The following SLC8A2 variants were observed in gnomAD, a reference collection of about 807,000 sequenced individuals.
The protein encoded by SLC8A2 is solute carrier family 8 member A2.
Under a neutral mutation model 70.2 loss-of-function variants are expected in SLC8A2, and 14 were observed. That is an observed-to-expected ratio of 0.20 (90% CI 0.13 to 0.31). The LOEUF (loss-of-function observed/expected upper bound fraction) is 0.31. Among genes scored for constraint, SLC8A2 ranks in the 10% least tolerant of loss-of-function variants. The pLI is 1.00. For synonymous variants in SLC8A2, 575 were observed against 594.3 expected (o/e 0.97, Z 0.47); for missense variants, 779 against 1,320.1 (o/e 0.59, Z 6.35).
chr19:47,441,836 G>A (rs902053594), intron 4 of SLC8A2, among the ~76,000 whole-genome samples: 43 of 152,194 alleles, frequency 2.8e-4, no homozygotes, highest in Non-Finnish European at 5.6e-4. Flanking sequence ...GGGCACGGTG[G>A]CTCACGCCTG....
intron 3 of SLC8A2, among the ~76,000 whole-genome samples, chr19:47,456,156 TACACATA>T (rs1457025532): frequency 6.6e-6 from 1 of 152,188 alleles, no homozygotes; most frequent in African/African-American, 2.4e-5. Flanking sequence ...CAGGTAGCAA[TACACATA>T]ATGGAGCTAT....
rs1966946914 is a variant in SLC8A2, at chr19:47,430,726, ATTTC to A, written c.2390-265_2390-262del. 6.6e-6 allele frequency among the ~76,000 whole-genome samples: 1 copy of A among 151,848 alleles called. No homozygotes were observed. Among genetic ancestry groups the A allele is most frequent in the Non-Finnish European group, 1.5e-5 (1 of 67,976 alleles). ...TCTCTTCTATGGGACTCACTGCGTG[ATTTC>A]TTTTTTTTTCCTCCGAGACGGAGTT... On this transcript the variant is annotated intron_variant, in intron 9 of 9. Coordinates refer to ENST00000236877, the MANE Select transcript of SLC8A2 (RefSeq NM_015063.3). The surrounding 1 kb of genome is among the most constrained non-coding windows in gnomAD (Gnocchi z 5.9).
At chr19:47,452,190 TCA>T (rs1327835964) in intron 3 of SLC8A2, among the ~76,000 whole-genome samples, 3 of 152,054 alleles carry the variant, frequency 2.0e-5, no homozygotes, top group Non-Finnish European at 4.4e-5. Context: ...CAACTCGTGG[TCA>T]CAGAGTGTCA....
intron 1 of SLC8A2, among the ~76,000 whole-genome samples, chr19:47,469,120 G>A (rs1405984709): frequency 5.1e-4 from 10 of 19,664 alleles, no homozygotes; most frequent in Non-Finnish European, 1.7e-3. Context: ...GCCTGTGTGC[G>A]TGTGTGTGTG....
At chr19:47,451,705 C>T (rs1465301274) in intron 3 of SLC8A2, among the ~76,000 whole-genome samples, 2 of 152,320 alleles carry the variant, frequency 1.3e-5, no homozygotes, top group Middle Eastern at 3.4e-3. Context: ...GAGTGGACAT[C>T]ATGTTCCTCC....
At chr19:47,454,485 T>C (rs1350564568) in intron 3 of SLC8A2, among the ~76,000 whole-genome samples, 3 of 152,026 alleles carry the variant, frequency 2.0e-5, no homozygotes, top group African/African-American at 4.8e-5. Flanking sequence ...TGAGACAGTG[T>C]CTCACTCTGT....
At position 47,457,025 on chromosome 19, in the gene SLC8A2, G is replaced by A. The variant is rs757155061; in HGVS notation, c.1245C>T (p.Ser415=). 1.9e-6 allele frequency: 3 copies of A among 1,611,686 alleles called. No homozygotes were observed. The highest frequency in any genetic ancestry group is 3.4e-5 in the Admixed American group (2 of 59,678). The change falls in exon 3 of 10, where the codon TCC becomes TCT. Residue 415 remains serine (S), a synonymous_variant. Coordinates refer to ENST00000236877, the MANE Select transcript of SLC8A2 (RefSeq NM_015063.3). ...CLENCGSVLL[S]VTCQGGEGNS... ...TGCCCTCGCCGCCCTGGCACGTGAC[G>A]GACAGCAGCACGGAGCCGCAGTTCT...
Position 47,430,184 on chromosome 19 carries a change from G to T in SLC8A2, c.2671C>A (p.Pro891Thr), listed in dbSNP as rs112589002. ...IGGELGGPRGPKLATTALFLG... is the reference protein window; with the variant it reads ...IGGELGGPRGTKLATTALFLG... ...AAGAGCGCGGTGGTGGCGAGCTTGG[G>T]TCCGCGCGGGCCGCCCAGCTCGCCG... The change falls in exon 10 of 10, where the codon CCC (proline) becomes ACC (threonine). Residue 891 changes from proline (P) to threonine (T), a missense_variant. Coordinates refer to ENST00000236877, the MANE Select transcript of SLC8A2 (RefSeq NM_015063.3). This position sits in a 1 kb window ranked among gnomAD's most constrained non-coding sequence, Gnocchi z 5.9. 1.4e-5 allele frequency: 23 copies of T among 1,600,476 alleles called. No individual in the cohort carries two copies. Among genetic ancestry groups the T allele is most frequent in the Non-Finnish European group, 1.8e-5 (21 of 1,173,632 alleles).
At chr19:47,431,677 AAAAC>A (rs754248498) in intron 9 of SLC8A2, among the ~76,000 whole-genome samples, 3,748 of 36,510 alleles carry the variant, frequency 0.1, 191 homozygotes, top group Non-Finnish European at 0.27. Context: ...AAAAAAAAAA[AAAAC>A]AAAACCCAAA....
At chr19:47,459,295 C>T (rs945337461) in intron 2 of SLC8A2, among the ~76,000 whole-genome samples, 3 of 152,096 alleles carry the variant, frequency 2.0e-5, no homozygotes, top group African/African-American at 7.2e-5. Context: ...TCTGTCTCAG[C>T]GGTTTTCTTA....
rs1967440319 is a variant in SLC8A2 at position 47,465,032 on chromosome 19, G to A, written c.675+697C>T. Among the ~76,000 whole-genome samples the A allele has an allele frequency of 6.6e-6, 1 of 152,310 alleles. No individual in the cohort carries two copies. The highest frequency in any genetic ancestry group is 1.5e-5 in the Non-Finnish European group (1 of 68,038). ...TATATTGATGTTGGGTTGGATGGGAGTATACATTACACTGAAGTGGCATAA... is the reference window on the plus strand; with the variant it reads ...TATATTGATGTTGGGTTGGATGGGAATATACATTACACTGAAGTGGCATAA... On this transcript the variant is annotated intron_variant, in intron 2 of 9. Coordinates refer to ENST00000236877, the MANE Select transcript of SLC8A2 (RefSeq NM_015063.3). The surrounding 1 kb of genome is among the most constrained non-coding windows in gnomAD (Gnocchi z 5.5).
rs752943780 is a variant in SLC8A2, at chr19:47,459,765, ATG to A, written c.676-2173_676-2172del. On this transcript the variant is annotated intron_variant, in intron 2 of 9. Coordinates refer to ENST00000236877, the MANE Select transcript of SLC8A2 (RefSeq NM_015063.3). ...TGTACGTGTGTGTCCATCTGTGTGC[ATG>A]TGTGTGCATGTGTGTCCATCTGTGT... Among the ~76,000 whole-genome samples, 13 of 149,892 alleles carry A rather than the reference ATG, an allele frequency of 8.7e-5. 1 individual carries two copies. The highest frequency in any genetic ancestry group is 2.0e-4 in the Admixed American group (3 of 15,084).
In SLC8A2 at chr19:47,430,100, G is replaced by A. The variant is rs1415001737; in HGVS notation, c.2755C>T (p.Arg919Trp). 2 of 1,587,674 alleles carry A rather than the reference G, an allele frequency of 1.3e-6. No homozygotes were observed. Among genetic ancestry groups the A allele is most frequent in the Non-Finnish European group, 1.7e-6 (2 of 1,166,880 alleles). Residue 919 changes from arginine (R) to tryptophan (W), a missense_variant, in exon 10 of 10, where the codon CGG (arginine) becomes TGG (tryptophan). Around this residue, in one of 6 missense-constraint regions of SLC8A2, gnomAD observed 108 missense variants for 269.6 expected, o/e 0.40. Transcript: ENST00000236877. The surrounding 1 kb of genome is among the most constrained non-coding windows in gnomAD (Gnocchi z 5.9). ...FASLEAYCHI[R>W]GF Reference sequence around the variant, plus strand: ...CTCTGCGCGAGGCCCTAGAAGCCCCGGATGTGGCAGTACGCCTCCAGGCTG... The same window carrying A: ...CTCTGCGCGAGGCCCTAGAAGCCCCAGATGTGGCAGTACGCCTCCAGGCTG...
At position 47,441,346 on chromosome 19, in the gene SLC8A2, C is replaced by G; in HGVS notation, c.1858G>C (p.Gly620Arg). The G allele has an allele frequency of 6.2e-7, 1 of 1,612,848 alleles. No homozygotes were observed. Reference sequence around the variant, plus strand: ...ACTGGTCACCCCTCACCTGAAATCCCTCGCTTAAGCCACTGGGGCTGGCCC... The same window carrying G: ...ACTGGTCACCCCTCACCTGAAATCCGTCGCTTAAGCCACTGGGGCTGGCCC... Reference protein sequence around the residue: ...ELGQPQWLKRGISALLLNQGD... With the variant: ...ELGQPQWLKRRISALLLNQGD... The change falls in exon 5 of 10, where the codon GGG becomes CGG. Residue 620 changes from glycine (G) to arginine (R), a missense_variant. Physicochemically the swap from Gly to Arg is moderately radical, Grantham distance 125 (BLOSUM62 -2). Coordinates refer to ENST00000236877, the MANE Select transcript of SLC8A2 (RefSeq NM_015063.3).
intron 3 of SLC8A2, among the ~76,000 whole-genome samples, chr19:47,449,020 T>A (rs1967204241): frequency 1.3e-5 from 2 of 152,206 alleles, no homozygotes; most frequent in Admixed American, 1.3e-4. Flanking sequence ...ATGATTTAAT[T>A]ACGGTTCATT....
intron 4 of SLC8A2, among the ~76,000 whole-genome samples, chr19:47,443,625 G>A (rs993501851): frequency 6.6e-6 from 1 of 152,198 alleles, no homozygotes; most frequent in Non-Finnish European, 1.5e-5. Flanking sequence ...CAGCCTTGGC[G>A]ACATCGCCAC....
chr19:47,452,577 C>T (rs554854986), intron 3 of SLC8A2, among the ~76,000 whole-genome samples: 1 of 151,556 alleles, frequency 6.6e-6, no homozygotes, highest in South Asian at 2.1e-4. Flanking sequence ...AATTCTCCTG[C>T]CTCAGCCTCC....
At chr19:47,451,716 T>G (rs1198260931) in intron 3 of SLC8A2, among the ~76,000 whole-genome samples, 3 of 152,222 alleles carry the variant, frequency 2.0e-5, no homozygotes, top group Non-Finnish European at 4.4e-5. Flanking sequence ...ATGTTCCTCC[T>G]GATACAATGC....
chr19:47,463,835 C>T (rs571215114), intron 2 of SLC8A2, among the ~76,000 whole-genome samples: 44 of 152,248 alleles, frequency 2.9e-4, no homozygotes, highest in Admixed American at 2.3e-3. Context: ...TCTTTCCACA[C>T]GGAACAATTC....
Sources: allele counts gnomAD v4.1 joint callset (sites outside exome capture counted in the v4.1 genomes callset), GRCh38; gene constraint gnomAD v4.1.1; regional missense constraint gnomAD v4.1.1; non-coding constraint Gnocchi (gnomAD v3.1); transcripts MANE v1.5; gene names NCBI Gene and HGNC (gene_info 2026-07-23, HGNC 2026-07-21).